Variants in TOX observed in about 807,000 individuals in gnomAD.
TOX encodes the protein thymocyte selection-associated high mobility group box protein TOX.
TOX carries 11 observed loss-of-function variants against 53.7 expected under a neutral mutation model. The observed-to-expected ratio is 0.20, with a 90% CI of 0.13 to 0.34. The LOEUF is 0.34. TOX is among the 10% of genes least tolerant of loss of function. The pLI, the probability that TOX is intolerant of heterozygous loss-of-function variation, is 1.00. For synonymous variants in TOX, 225 were observed against 245.3 expected, an observed-to-expected ratio of 0.92 and a Z score of 0.77; for missense variants, 570 against 664.6, an observed-to-expected ratio of 0.86 and a Z score of 1.56.
intron 3 of TOX, among the ~76,000 whole-genome samples, chr8:58,866,410 C>T (rs1196361533): frequency 1.3e-5 from 2 of 152,030 alleles, no homozygotes; most frequent in Admixed American, 1.3e-4. Context: ...ATTTTAATGC[C>T]ACAGGAATAA....
intron 1 of TOX, among the ~76,000 whole-genome samples, chr8:59,025,033 C>T (rs928509188): frequency 6.6e-6 from 1 of 152,136 alleles, no homozygotes; most frequent in Non-Finnish European, 1.5e-5. Context: ...CATATTTCTA[C>T]CACAAAGCGG....
chr8:58,865,430 T>A (rs1811080255), intron 3 of TOX, among the ~76,000 whole-genome samples: 1 of 152,184 alleles, frequency 6.6e-6, no homozygotes, highest in South Asian at 2.1e-4. Flanking sequence ...TACTTTTTTT[T>A]TTTTAGTTTT....
At chr8:58,962,678 T>G (rs1425827723) in intron 1 of TOX, among the ~76,000 whole-genome samples, 1 of 152,184 alleles carries the variant, frequency 6.6e-6, no homozygotes, top group Non-Finnish European at 1.5e-5. Context: ...TGGTGGCACA[T>G]GTCTGTGGTC....
At chr8:59,073,608 C>T (rs1563437720) in intron 1 of TOX, among the ~76,000 whole-genome samples, 1 of 151,988 alleles carries the variant, frequency 6.6e-6, no homozygotes, top group East Asian at 1.9e-4. Context: ...AATTTCAGTG[C>T]TTAAGACATT....
chr8:59,084,343 A>G (rs1042026650), intron 1 of TOX, among the ~76,000 whole-genome samples: 2 of 152,156 alleles, frequency 1.3e-5, no homozygotes, highest in Non-Finnish European at 2.9e-5. Flanking sequence ...TAGAAAAATA[A>G]GGGAATGATT....
intron 3 of TOX, among the ~76,000 whole-genome samples, chr8:58,854,423 C>T (rs1294284662): frequency 6.7e-6 from 1 of 149,156 alleles, no homozygotes; most frequent in East Asian, 1.9e-4. Context: ...ATCGCACTTT[C>T]TCTCCTCCCC....
At chr8:58,868,271 A>G (rs57636927) in intron 3 of TOX, among the ~76,000 whole-genome samples, 9,461 of 152,210 alleles carry the variant, frequency 0.062, 328 homozygotes, top group East Asian at 0.12. Flanking sequence ...TTTTCTTTAT[A>G]AATTACCCAG....
chr8:58,866,730 G>A (rs1811110355), intron 3 of TOX, among the ~76,000 whole-genome samples: 1 of 152,158 alleles, frequency 6.6e-6, no homozygotes, highest in Non-Finnish European at 1.5e-5. Flanking sequence ...AAATACTGAT[G>A]TCAAATTGAG....
chr8:58,953,367 AAG>A (rs1189178613), intron 2 of TOX, among the ~76,000 whole-genome samples: 2 of 152,220 alleles, frequency 1.3e-5, no homozygotes, highest in Non-Finnish European at 2.9e-5. Context: ...ACTTCCATGT[AAG>A]AAGCCAATTT....
At chr8:59,074,765 A>G (rs558288476) in intron 1 of TOX, among the ~76,000 whole-genome samples, 5 of 152,280 alleles carry the variant, frequency 3.3e-5, no homozygotes, top group African/African-American at 1.2e-4. Flanking sequence ...TTGAGCATTA[A>G]AGGAGCGACA....
intron 3 of TOX, among the ~76,000 whole-genome samples, chr8:58,926,088 A>G (rs576290321): frequency 1.1e-4 from 17 of 152,334 alleles, no homozygotes; most frequent in Non-Finnish European, 2.1e-4. Context: ...AAAACCTCAC[A>G]AAGTGCTCAC....
chr8:59,031,804 G>A (rs1002259892), intron 1 of TOX, among the ~76,000 whole-genome samples: 2 of 151,936 alleles, frequency 1.3e-5, no homozygotes, highest in African/African-American at 2.4e-5. Context: ...CCTATGTGAA[G>A]GACATTAAAA....
At chr8:59,093,554 TTAAA>T (rs1158443241) in intron 1 of TOX, among the ~76,000 whole-genome samples, 1 of 152,246 alleles carries the variant, frequency 6.6e-6, no homozygotes, top group Non-Finnish European at 1.5e-5. Flanking sequence ...GGTAAAATAA[TTAAA>T]TATTTACAGC....
intron 1 of TOX, among the ~76,000 whole-genome samples, chr8:58,964,054 C>T (rs1473316679): frequency 1.3e-5 from 2 of 151,802 alleles, no homozygotes; most frequent in African/African-American, 4.8e-5. Flanking sequence ...CTGATATAAG[C>T]ACAGATGCCC....
At chr8:58,923,332 G>A (rs916337319) in intron 3 of TOX, among the ~76,000 whole-genome samples, 2 of 152,138 alleles carry the variant, frequency 1.3e-5, no homozygotes, top group Non-Finnish European at 2.9e-5. Context: ...ATGTATTTTG[G>A]AGGCATTTCT....
At chr8:58,939,086 A>G (rs1040216409) in intron 3 of TOX, among the ~76,000 whole-genome samples, 4 of 152,390 alleles carry the variant, frequency 2.6e-5, no homozygotes, top group African/African-American at 9.6e-5. Flanking sequence ...GGTCATAAAT[A>G]CGAGTGACTG....
intron 3 of TOX, among the ~76,000 whole-genome samples, chr8:58,872,065 T>C (rs879505722): frequency 2.0e-5 from 3 of 150,896 alleles, no homozygotes; most frequent in Non-Finnish European, 3.0e-5. Flanking sequence ...GTCTGGAGCA[T>C]TTTTTTTTCA....
At chr8:58,874,264 A>C (rs1319532429) in intron 3 of TOX, among the ~76,000 whole-genome samples, 1 of 151,766 alleles carries the variant, frequency 6.6e-6, no homozygotes, top group Non-Finnish European at 1.5e-5. Flanking sequence ...AAATTTCAGG[A>C]GGGAAAGTTT....
chr8:58,891,159 C>T (rs1406832305), intron 3 of TOX, among the ~76,000 whole-genome samples: 2 of 151,928 alleles, frequency 1.3e-5, no homozygotes, highest in South Asian at 2.1e-4. Flanking sequence ...GAGACACTAG[C>T]GATCTTTAGG....
Sources: gnomAD v4.1 joint callset for allele counts (sites outside exome capture counted in the v4.1 genomes callset) on GRCh38, gnomAD v4.1.1 for gene constraint, MANE v1.5 for transcripts, NCBI Gene and HGNC (gene_info 2026-07-23, HGNC 2026-07-21) for gene names.